The following GOLGB1 variants were observed in gnomAD, a reference collection of about 807,000 sequenced individuals.
The protein encoded by GOLGB1 is golgin subfamily B member 1.
A neutral mutation model predicts 336.9 loss-of-function variants in GOLGB1; 174 were observed. That is an observed-to-expected ratio of 0.52 (90% CI 0.46 to 0.59). The LOEUF (loss-of-function observed/expected upper bound fraction) is 0.59, where lower values mean the gene tolerates loss of function less well. Ranked by LOEUF, GOLGB1 falls within the 20% of genes least tolerant of loss-of-function variation. The pLI is 0.00. For missense variants in GOLGB1, 3,331 were observed against 3,645.3 expected, an observed-to-expected ratio of 0.91 and a Z score of 2.22; for synonymous variants, 1,208 against 1,289.2, an observed-to-expected ratio of 0.94 and a Z score of 1.35.
chr3:121,696,352 G>A lies in GOLGB1; in HGVS notation c.4171C>T (p.His1391Tyr), dbSNP rs1031925448. ...AGTTTAGGTTGCAATTCTCTTAGATGTTCTAGGCCAGCAATTTGTAGTTGG... is the reference window on the plus strand; with the variant it reads ...AGTTTAGGTTGCAATTCTCTTAGATATTCTAGGCCAGCAATTTGTAGTTGG... The part of the protein sequence containing the change: ...SSQLQIAGLE[H>Y]LRELQPKLDE... Residue 1391 changes from histidine to tyrosine, a missense_variant, in exon 13 of 22, where the codon CAT (histidine) becomes TAT (tyrosine). Transcript: ENST00000614479. The A allele has an allele frequency of 6.2e-7, 1 of 1,614,148 alleles. No homozygotes were observed. Among genetic ancestry groups the A allele is most frequent in the South Asian group, 1.1e-5 (1 of 91,084 alleles).
chr3:121,696,681 GT>G lies in GOLGB1; in HGVS notation c.3841del (p.Thr1281LeufsTer5). On this transcript the variant is annotated frameshift_variant, in exon 13 of 22. Coordinates refer to ENST00000614479, the MANE Select transcript of GOLGB1 (RefSeq NM_001366282.2). LOFTEE classifies it high-confidence loss of function. ...CAAGTTGGACTCTAAAACAGGTTGA[GT>G]GTGATGCTGTTCTGTGGCTTTGAAT... Reference protein sequence around the residue: ...PLFKATEQHHTQPVLESNLCP... With the variant: ...PLFKATEQHHXQPVLESNLCP... 1 of 1,614,098 alleles carries G rather than the reference GT, an allele frequency of 6.2e-7. No homozygotes were observed. The highest frequency in any genetic ancestry group is 8.5e-7 in the Non-Finnish European group (1 of 1,179,978).
intron 1 of GOLGB1, among the ~76,000 whole-genome samples, chr3:121,737,561 G>A (rs191643013): frequency 1.3e-5 from 2 of 150,946 alleles, no homozygotes; most frequent in South Asian, 2.1e-4. Flanking sequence ...TGAGGCAGAC[G>A]AATCACTTGA....
At chr3:121,680,459 A>T (rs981063210) in intron 15 of GOLGB1, among the ~76,000 whole-genome samples, 4 of 152,228 alleles carry the variant, frequency 2.6e-5, no homozygotes, top group African/African-American at 4.8e-5. Flanking sequence ...GATTACTAAC[A>T]TACTGGAAAA....
chr3:121,677,434 AG>A lies in GOLGB1; in HGVS notation c.8889del (p.Trp2964GlyfsTer8). 6.2e-7 allele frequency: 1 copy of A among 1,608,750 alleles called. No homozygotes were observed. The highest frequency in any genetic ancestry group is 8.5e-7 in the Non-Finnish European group (1 of 1,175,378). On this transcript the variant is annotated frameshift_variant, in exon 16 of 22. Coordinates refer to ENST00000614479, the MANE Select transcript of GOLGB1 (RefSeq NM_001366282.2). LOFTEE classifies it high-confidence loss of function. ...ELHQLRMEKSSWEIHERRMKE... is the reference protein window; with the variant it reads ...ELHQLRMEKSXWEIHERRMKE... Reference sequence around the variant, plus strand: ...TTCATTCTCCTCTCATGTATTTCCCAGGAACTCTTCTCCATCCTAGAAAAAA... The same window carrying A: ...TTCATTCTCCTCTCATGTATTTCCCAGAACTCTTCTCCATCCTAGAAAAAA...
At chr3:121,710,072 AG>A (rs1421556976) in intron 10 of GOLGB1, among the ~76,000 whole-genome samples, 1 of 148,392 alleles carries the variant, frequency 6.7e-6, no homozygotes. Context: ...AAAAAAAAAA[AG>A]CCCAAACAAA....
At chr3:121,687,495 T>C (rs887061554) in intron 14 of GOLGB1, among the ~76,000 whole-genome samples, 4 of 152,180 alleles carry the variant, frequency 2.6e-5, no homozygotes, top group African/African-American at 9.7e-5. Context: ...TATCTTAGGA[T>C]GTTGAAGATG....
At chr3:121,741,835 C>T (rs1264905025) in intron 1 of GOLGB1, among the ~76,000 whole-genome samples, 1 of 152,014 alleles carries the variant, frequency 6.6e-6, no homozygotes, top group Non-Finnish European at 1.5e-5. Flanking sequence ...TCTTGAAATA[C>T]TCTTTCCCAT....
At chr3:121,684,093 A>C (rs1941427548) in intron 14 of GOLGB1, among the ~76,000 whole-genome samples, 2 of 138,202 alleles carry the variant, frequency 1.4e-5, no homozygotes, top group Admixed American at 1.7e-4. Context: ...ATGCCATTGC[A>C]CTCCAGCCTG....
chr3:121,747,897 T>G (rs1947478526), intron 1 of GOLGB1, among the ~76,000 whole-genome samples: 3 of 152,150 alleles, frequency 2.0e-5, no homozygotes, highest in Admixed American at 2.0e-4. Context: ...TACAGCAATA[T>G]AGAGCTTAGT....
chr3:121,681,422 T>C (rs1337614211), intron 15 of GOLGB1, among the ~76,000 whole-genome samples: 1 of 152,174 alleles, frequency 6.6e-6, no homozygotes, highest in Non-Finnish European at 1.5e-5. Context: ...TAAATATACA[T>C]GTCACAAAAT....
At chr3:121,678,025 C>T (rs1002911445) in intron 15 of GOLGB1, among the ~76,000 whole-genome samples, 1 of 152,200 alleles carries the variant, frequency 6.6e-6, no homozygotes, top group Admixed American at 6.5e-5. Context: ...TATCTTTTCT[C>T]TTGAGATTCA....
chr3:121,677,019 C>T lies in GOLGB1; in HGVS notation c.9051G>A (p.Glu3017=). 1.2e-6 allele frequency: 2 copies of T among 1,614,048 alleles called. No homozygotes were observed. The part of the protein sequence containing the change: ...KVQYQRQASP[E]TSASPDGSQN... ...GTGACCCATCTGGGGAAGCTGATGT[C>T]TCTGGGGATGCCTGCCAGGACACAA... is the stretch of plus-strand genomic sequence containing the variant. The change falls in exon 17 of 22, where the codon GAG becomes GAA. Residue 3017 remains glutamate, a synonymous_variant. Transcript: ENST00000614479.
chr3:121,698,843 T>C lies in GOLGB1; in HGVS notation c.1680A>G (p.Lys560=). 1 of 1,612,144 alleles carries C rather than the reference T, an allele frequency of 6.2e-7. No individual in the cohort carries two copies. The highest frequency in any genetic ancestry group is 8.5e-7 in the Non-Finnish European group (1 of 1,178,744). Residue 560 remains lysine (K), a synonymous_variant, in exon 13 of 22, where the codon AAA becomes AAG. Transcript: ENST00000614479. ...ACAATAAAACTGATAATTCTTTATG[T>C]TTCTGAGAAAATGTGTTTTCTAGAA... The part of the protein sequence containing the change: ...QDVLENTFSQ[K]HKELSVLLLE...
intron 10 of GOLGB1, among the ~76,000 whole-genome samples, chr3:121,704,850 T>G (rs577830517): frequency 6.6e-6 from 1 of 150,452 alleles, no homozygotes; most frequent in African/African-American, 2.4e-5. Context: ...GCAAATATCA[T>G]TCAAGAATAA....
chr3:121,740,631 A>C (rs1946787118), intron 1 of GOLGB1, among the ~76,000 whole-genome samples: 1 of 152,178 alleles, frequency 6.6e-6, no homozygotes, highest in African/African-American at 2.4e-5. Context: ...TTCTGTAGTA[A>C]ACTTTCTGTA....
chr3:121,731,953 A>G (rs1407222339), intron 1 of GOLGB1, among the ~76,000 whole-genome samples: 1 of 152,178 alleles, frequency 6.6e-6, no homozygotes, highest in African/African-American at 2.4e-5. Context: ...AAAACAGAGA[A>G]GACACAAATT....
chr3:121,675,902 C>T (rs6766737), intron 17 of GOLGB1, among the ~76,000 whole-genome samples: 19,174 of 152,044 alleles, frequency 0.13, 1,427 homozygotes, highest in African/African-American at 0.19. Flanking sequence ...ATGTAACAGG[C>T]CTGAGACGGG....
In GOLGB1 at chr3:121,677,368, G is replaced by A. The variant is rs1940543658; in HGVS notation, c.8956C>T (p.Leu2986Phe). 1.2e-6 allele frequency: 2 copies of A among 1,602,386 alleles called. No homozygotes were observed. The highest frequency in any genetic ancestry group is 1.7e-6 in the Non-Finnish European group (2 of 1,169,444). ...LMAISDKDQQ[L>F]SHLQNLIREL... ...CTTATAAGATTCTGCAGATGACTGA[G>A]CTGCTGATCTTTATCTGAGATAGCC... Residue 2986 changes from leucine to phenylalanine, a missense_variant, in exon 16 of 22, where the codon CTC (leucine) becomes TTC (phenylalanine). Physicochemically the swap from Leu to Phe is conservative, Grantham distance 22. Coordinates refer to ENST00000614479, the MANE Select transcript of GOLGB1 (RefSeq NM_001366282.2).
intron 10 of GOLGB1, among the ~76,000 whole-genome samples, chr3:121,709,085 G>C (rs1576389938): frequency 6.6e-6 from 1 of 152,210 alleles, no homozygotes; most frequent in East Asian, 1.9e-4. Context: ...TGTAAATAAA[G>C]AAGTATTACT....
Sources: gnomAD v4.1 joint callset for allele counts (sites outside exome capture counted in the v4.1 genomes callset) on GRCh38, gnomAD v4.1.1 for gene constraint, MANE v1.5 for transcripts, NCBI Gene and HGNC (gene_info 2026-07-23, HGNC 2026-07-21) for gene names.